The following SMOC2 variants were observed in gnomAD, a reference collection of about 807,000 sequenced individuals.
The protein encoded by SMOC2 is SPARC-related modular calcium-binding protein 2.
SMOC2 carries 39 observed loss-of-function variants against 61.4 expected under a neutral mutation model. The observed-to-expected ratio is 0.64, with a 90% confidence interval of 0.49 to 0.83. The LOEUF is 0.83. Among genes scored for constraint, SMOC2 ranks in the 40% least tolerant of loss-of-function variants. SMOC2 has a pLI of 0.00. For missense variants in SMOC2, 556 were observed against 592.9 expected, an observed-to-expected ratio of 0.94 and a Z score of 0.65; for synonymous variants, 247 against 239.9, an observed-to-expected ratio of 1.03 and a Z score of -0.27.
chr6:168,490,218 G>C (rs1020513272), intron 1 of SMOC2, among the ~76,000 whole-genome samples: 6 of 151,440 alleles, frequency 4.0e-5, no homozygotes, highest in African/African-American at 7.3e-5. Context: ...CAGTTTTAGA[G>C]TGAAATATAT....
At chr6:168,614,253 C>T (rs1785984542) in intron 9 of SMOC2, among the ~76,000 whole-genome samples, 1 of 74,528 alleles carries the variant, frequency 1.3e-5, no homozygotes, top group Non-Finnish European at 2.7e-5. Flanking sequence ...ACACCTACAG[C>T]CAGCACAGGG....
intron 9 of SMOC2, among the ~76,000 whole-genome samples, chr6:168,615,098 C>T (rs139655718): frequency 6.1e-4 from 35 of 57,064 alleles, no homozygotes; most frequent in East Asian, 1.6e-3. Flanking sequence ...CCTCTTCACA[C>T]CTACAGCCAG....
intron 2 of SMOC2, among the ~76,000 whole-genome samples, chr6:168,519,645 A>G (rs1783279570): frequency 6.6e-6 from 1 of 152,156 alleles, no homozygotes; most frequent in Admixed American, 6.5e-5. Flanking sequence ...ACCAAACCCA[A>G]GGCACCGGCT....
At chr6:168,519,017 A>G (rs942028735) in intron 2 of SMOC2, among the ~76,000 whole-genome samples, 14 of 102,286 alleles carry the variant, frequency 1.4e-4, no homozygotes, top group Admixed American at 8.4e-4. Context: ...GTATGCGTGC[A>G]TGCGAACATG....
chr6:168,562,512 T>C (rs1383612317), intron 7 of SMOC2, among the ~76,000 whole-genome samples: 2 of 152,204 alleles, frequency 1.3e-5, no homozygotes, highest in African/African-American at 4.8e-5. Context: ...GGAGGAGGTG[T>C]TATTTTCATG....
chr6:168,510,381 T>C (rs769041632), intron 2 of SMOC2, among the ~76,000 whole-genome samples: 1 of 152,218 alleles, frequency 6.6e-6, no homozygotes, highest in African/African-American at 2.4e-5. Context: ...AAGATTTCTT[T>C]CTTTCTTTCT....
chr6:168,560,171 C>T (rs923212699), intron 7 of SMOC2, among the ~76,000 whole-genome samples: 15 of 152,156 alleles, frequency 9.9e-5, no homozygotes, highest in Non-Finnish European at 1.6e-4. Context: ...CTTTTATGTA[C>T]CTGCAGCCTA....
rs1785397158 is a variant in SMOC2, at chr6:168,598,837, G to A, written c.657G>A (p.Glu219=). 3.1e-6 allele frequency: 5 copies of A among 1,613,694 alleles called. No individual in the cohort carries two copies. Among genetic ancestry groups the A allele is most frequent in the Non-Finnish European group, 4.2e-6 (5 of 1,179,802 alleles). The change falls in exon 8 of 13, where the codon GAG becomes GAA. Residue 219 remains glutamate (E), a synonymous_variant. Transcript: ENST00000356284. The part of the protein sequence containing the change: ...NKNSVSSCDQ[E]HQSALEEAKQ... The stretch of plus-strand genomic sequence containing the variant: ...CCGCAGTGTCATCCTGTGACCAAGA[G>A]CACCAGTCTGCCCTGGAGGAAGCCA...
rs1785057809 is a variant in SMOC2 at position 168,586,881 on chromosome 6, G to A, written c.638-11937G>A. Reference sequence around the variant, plus strand: ...GCTTTTGCTTTGCAAATATAAAAAAGTAGTGAGATTATTACTAATCTAAAA... The same window carrying A: ...GCTTTTGCTTTGCAAATATAAAAAAATAGTGAGATTATTACTAATCTAAAA... On this transcript the variant is annotated intron_variant, in intron 7 of 12. Transcript: ENST00000356284. Among the ~76,000 whole-genome samples, 5 of 152,252 alleles carry A rather than the reference G, an allele frequency of 3.3e-5. No individual in the cohort carries two copies. The South Asian group carries it at 1.0e-3, about 32-fold the overall frequency.
At chr6:168,541,643 G>A (rs1369392479) in intron 4 of SMOC2, among the ~76,000 whole-genome samples, 1 of 152,146 alleles carries the variant, frequency 6.6e-6, no homozygotes. Flanking sequence ...TGGTTAAAAG[G>A]TGAAGTCAAT....
At chr6:168,645,260 C>T (rs1306283227) in intron 9 of SMOC2, among the ~76,000 whole-genome samples, 1 of 152,134 alleles carries the variant, frequency 6.6e-6, no homozygotes, top group Non-Finnish European at 1.5e-5. Context: ...ATTTTCTGTC[C>T]GTTTTTAACT....
intron 7 of SMOC2, among the ~76,000 whole-genome samples, chr6:168,588,306 T>G (rs924460077): frequency 2.0e-5 from 3 of 151,924 alleles, no homozygotes; most frequent in African/African-American, 7.2e-5. Context: ...GTATTTTTAG[T>G]AGAGACAGGG....
intron 9 of SMOC2, among the ~76,000 whole-genome samples, chr6:168,627,390 AT>A: frequency 6.6e-6 from 1 of 152,278 alleles, no homozygotes; most frequent in Non-Finnish European, 1.5e-5. Flanking sequence ...TTGGTATTTT[AT>A]CTCCTGATTG....
At chr6:168,538,363 A>AC (rs1783791959) in intron 4 of SMOC2, among the ~76,000 whole-genome samples, 1 of 71,420 alleles carries the variant, frequency 1.4e-5, no homozygotes, top group Non-Finnish European at 2.6e-5. Context: ...GAGTGGGGTG[A>AC]CCCCTGCTGG....
At chr6:168,581,705 AAGCTGATGTTTAGGTGGG>A (rs1428422281) in intron 7 of SMOC2, among the ~76,000 whole-genome samples, 1 of 152,214 alleles carries the variant, frequency 6.6e-6, no homozygotes, top group East Asian at 1.9e-4. Context: ...ACACAAGCTC[AAGCTGATGTTTAGGTGGG>A]ATGGGTGATG....
intron 7 of SMOC2, among the ~76,000 whole-genome samples, chr6:168,566,479 CTTTTTTTTT>C (rs10553952): frequency 0.16 from 18,892 of 118,338 alleles, 1,398 homozygotes; most frequent in African/African-American, 0.23. Context: ...TGTAGCACTT[CTTTTTTTTT>C]TTTTTTTTTT....
In SMOC2 at chr6:168,618,559, G is replaced by A. The variant is rs1302125972; in HGVS notation, c.907+10320G>A. 2.0e-5 allele frequency among the ~76,000 whole-genome samples: 3 copies of A among 148,144 alleles called. 1 individual carries two copies. Among genetic ancestry groups the A allele is most frequent in the African/African-American group, 7.5e-5 (3 of 39,964 alleles). On this transcript the variant is annotated intron_variant, in intron 9 of 12. Coordinates refer to ENST00000356284, the MANE Select transcript of SMOC2 (RefSeq NM_001166412.2). ...GAGAGGTGGGTAGTGGCATTAAAAC[G>A]AGGGTCGAGAGGTGGGTAGTGGCAT...
At chr6:168,523,518 G>A (rs758853256) in intron 2 of SMOC2, among the ~76,000 whole-genome samples, 1 of 150,822 alleles carries the variant, frequency 6.6e-6, no homozygotes, top group African/African-American at 2.4e-5. Context: ...CTCCAGAGTA[G>A]CTGGGAACAC....
chr6:168,599,811 CCACACA>C (rs77047132), intron 8 of SMOC2, among the ~76,000 whole-genome samples: 37,582 of 90,836 alleles, frequency 0.41, 8,040 homozygotes, highest in Middle Eastern at 0.48. Flanking sequence ...CACATTCACC[CCACACA>C]CACACACACA....
Sources: allele counts gnomAD v4.1 joint callset (sites outside exome capture counted in the v4.1 genomes callset), GRCh38; gene constraint gnomAD v4.1.1; transcripts MANE v1.5; gene names NCBI Gene and HGNC (gene_info 2026-07-23, HGNC 2026-07-21).